Variants in TAFA1 observed in about 807,000 individuals in gnomAD.
TAFA1 encodes chemokine-like protein TAFA-1.
In TAFA1, 4 loss-of-function variants were observed where a neutral mutation model predicts 18.5. The observed-to-expected ratio is 0.22, with a 90% CI of 0.11 to 0.49. TAFA1 has a LOEUF of 0.49. Among genes scored for constraint, TAFA1 ranks in the 20% least tolerant of loss-of-function variants. The pLI, the probability that TAFA1 is intolerant of heterozygous loss-of-function variation, is 0.98. For missense variants in TAFA1, 147 were observed against 169.0 expected (o/e 0.87, Z 0.72); for synonymous variants, 56 against 55.2 (o/e 1.01, Z -0.06).
chr3:68,346,759 T>C (rs549273318), intron 2 of TAFA1, among the ~76,000 whole-genome samples: 1 of 152,298 alleles, frequency 6.6e-6, no homozygotes, highest in African/African-American at 2.4e-5. Flanking sequence ...AAATTTTCTG[T>C]CTAGAGTTGT....
chr3:68,242,594 C>A (rs2067013762), intron 2 of TAFA1, among the ~76,000 whole-genome samples: 1 of 152,044 alleles, frequency 6.6e-6, no homozygotes, highest in African/African-American at 2.4e-5. Flanking sequence ...GTTTAATTGC[C>A]ACATTAAAAA....
At chr3:68,450,500 C>A (rs2071552714) in intron 3 of TAFA1, among the ~76,000 whole-genome samples, 1 of 152,182 alleles carries the variant, frequency 6.6e-6, no homozygotes, top group Non-Finnish European at 1.5e-5. Context: ...GAGCCTGAGG[C>A]TCAAGAATGG....
At chr3:67,991,906 C>G in the TAFA1 span, among the ~76,000 whole-genome samples, 1 of 152,158 alleles carries the variant, frequency 6.6e-6, no homozygotes, top group East Asian at 1.9e-4. Flanking sequence ...GTCAATATAT[C>G]TATATCCTAT....
chr3:68,342,046 C>G (rs2069094842), intron 2 of TAFA1, among the ~76,000 whole-genome samples: 1 of 152,150 alleles, frequency 6.6e-6, no homozygotes, highest in Non-Finnish European at 1.5e-5. Context: ...CCATCTTCCC[C>G]TTAAAGCTAG....
chr3:68,139,475 C>CA (rs765031663), intron 2 of TAFA1, among the ~76,000 whole-genome samples: 147 of 152,088 alleles, frequency 9.7e-4, no homozygotes, highest in Non-Finnish European at 1.2e-3. Context: ...TCACTTTGGG[C>CA]ACAGTGGGTC....
chr3:68,263,899 C>A (rs2067487852), intron 2 of TAFA1, among the ~76,000 whole-genome samples: 1 of 152,198 alleles, frequency 6.6e-6, no homozygotes, highest in Non-Finnish European at 1.5e-5. Flanking sequence ...TAATGCATAT[C>A]AATATCTGTG....
At chr3:68,366,540 A>T (rs1384642015) in intron 2 of TAFA1, among the ~76,000 whole-genome samples, 2 of 152,180 alleles carry the variant, frequency 1.3e-5, no homozygotes, top group Non-Finnish European at 2.9e-5. Flanking sequence ...CTGGGTGGAA[A>T]TGTAAAGAAC....
At chr3:68,056,946 G>T (rs2106716489) in intron 2 of TAFA1, among the ~76,000 whole-genome samples, 1 of 152,268 alleles carries the variant, frequency 6.6e-6, no homozygotes, top group East Asian at 1.9e-4. Context: ...AGATCCATTT[G>T]TGACCCCTGT....
chr3:68,512,681 TTTG>T (rs2072866844), intron 3 of TAFA1, among the ~76,000 whole-genome samples: 1 of 1,982 alleles, frequency 5.0e-4, no homozygotes, highest in Non-Finnish European at 9.0e-4. Flanking sequence ...TTGCTGGTTT[TTTG>T]TTTGTTTGTT....
intron 2 of TAFA1, among the ~76,000 whole-genome samples, chr3:68,016,433 G>C (rs1239541055): frequency 1.3e-5 from 2 of 152,054 alleles, no homozygotes; most frequent in African/African-American, 2.4e-5. Flanking sequence ...GTGTCATGGG[G>C]GTTTGTTGTA....
At chr3:68,012,431 T>A (rs1704490244) in intron 2 of TAFA1, among the ~76,000 whole-genome samples, 1 of 152,126 alleles carries the variant, frequency 6.6e-6, no homozygotes. Flanking sequence ...TGAGAATATG[T>A]CTATCTACCC....
chr3:68,225,615 G>T (rs1238318375), intron 2 of TAFA1, among the ~76,000 whole-genome samples: 1 of 152,064 alleles, frequency 6.6e-6, no homozygotes, highest in Non-Finnish European at 1.5e-5. Context: ...CCCTGAGTCA[G>T]GTACCCAACA....
At chr3:68,330,562 C>T (rs1269429197) in intron 2 of TAFA1, among the ~76,000 whole-genome samples, 2 of 152,192 alleles carry the variant, frequency 1.3e-5, no homozygotes, top group Non-Finnish European at 2.9e-5. Context: ...TGTGTTATCA[C>T]ACTTAATCCC....
intron 2 of TAFA1, among the ~76,000 whole-genome samples, chr3:68,134,942 G>A (rs886163079): frequency 1.6e-4 from 24 of 152,220 alleles, no homozygotes; most frequent in African/African-American, 2.9e-4. Flanking sequence ...TTTCTTTTAC[G>A]TAACATGATG....
intron 3 of TAFA1, among the ~76,000 whole-genome samples, chr3:68,428,962 A>G (rs1215310145): frequency 6.6e-6 from 1 of 151,984 alleles, no homozygotes; most frequent in East Asian, 1.9e-4. Flanking sequence ...TAGAGGTTCA[A>G]GTAAAAAGGG....
chr3:68,364,412 A>T (rs1408998803), intron 2 of TAFA1, among the ~76,000 whole-genome samples: 1 of 152,162 alleles, frequency 6.6e-6, no homozygotes, highest in Non-Finnish European at 1.5e-5. Context: ...TGTTTGATTC[A>T]GGAGGCACAT....
At chr3:68,417,134 A>G (rs2070854704) in intron 2 of TAFA1, 146 bp from the exon 3 acceptor site, 4 of 640,306 alleles carry the variant, frequency 6.2e-6, no homozygotes, top group Admixed American at 5.6e-5. Flanking sequence ...CACGTAGTAG[A>G]AGAGAGTCCT....
At chr3:68,165,908 T>A (rs542114921) in intron 2 of TAFA1, among the ~76,000 whole-genome samples, 2 of 152,342 alleles carry the variant, frequency 1.3e-5, no homozygotes, top group Admixed American at 1.3e-4. Flanking sequence ...TGAATCAAAT[T>A]AATTAGTACA....
intron 2 of TAFA1, among the ~76,000 whole-genome samples, chr3:68,173,763 C>T (rs2066088596): frequency 6.6e-6 from 1 of 151,890 alleles, no homozygotes; most frequent in Non-Finnish European, 1.5e-5. Context: ...TTTTTGCCTT[C>T]CTTTATAGTG....
Sources: gnomAD v4.1 joint callset for allele counts (sites outside exome capture counted in the v4.1 genomes callset) on GRCh38, gnomAD v4.1.1 for gene constraint, MANE v1.5 for transcripts, NCBI Gene and HGNC (gene_info 2026-07-23, HGNC 2026-07-21) for gene names.